Variants in STK39 observed in about 807,000 individuals in gnomAD.
STK39 encodes the protein serine/threonine kinase 39, also known as STE20/SPS1-related proline-alanine-rich protein kinase.
STK39 carries 20 observed loss-of-function variants against 77.8 expected under a neutral mutation model. The ratio of observed to expected loss-of-function variants is 0.26; its 90% CI spans 0.18 to 0.37. The LOEUF is 0.37. Among genes scored for constraint, STK39 ranks in the 10% least tolerant of loss-of-function variants. The pLI is 1.00. For missense variants in STK39, 479 were observed against 656.5 expected (o/e 0.73, Z 2.95); for synonymous variants, 246 against 234.1 (o/e 1.05, Z -0.47).
intron 2 of STK39, among the ~76,000 whole-genome samples, chr2:168,167,825 G>C (rs191071402): frequency 6.6e-6 from 1 of 152,296 alleles, no homozygotes; most frequent in East Asian, 1.9e-4. Flanking sequence ...GTGGATCTTA[G>C]CTCCTCCCTC....
intron 12 of STK39, among the ~76,000 whole-genome samples, chr2:168,074,002 G>T (rs1259256902): frequency 6.6e-6 from 1 of 152,120 alleles, no homozygotes; most frequent in Non-Finnish European, 1.5e-5. Context: ...GAGCTACCAT[G>T]GGGAGGCAGG....
intron 1 of STK39, among the ~76,000 whole-genome samples, chr2:168,238,112 C>G (rs567949203): frequency 5.9e-5 from 9 of 152,308 alleles, no homozygotes; most frequent in Non-Finnish European, 1.2e-4. Flanking sequence ...AGTACAAACT[C>G]TGGTTCAAAC....
At chr2:168,046,035 C>A (rs904388408) in intron 14 of STK39, among the ~76,000 whole-genome samples, 1 of 152,104 alleles carries the variant, frequency 6.6e-6, no homozygotes, top group African/African-American at 2.4e-5. Flanking sequence ...GCAGACATAT[C>A]GATCAACCCT....
chr2:167,984,384 T>C (rs1219596942), intron 16 of STK39, among the ~76,000 whole-genome samples: 1 of 152,136 alleles, frequency 6.6e-6, no homozygotes, highest in Non-Finnish European at 1.5e-5. Context: ...ACATCTTAAA[T>C]GAGGAATGGG....
intron 2 of STK39, among the ~76,000 whole-genome samples, chr2:168,168,994 A>T (rs1303089949): frequency 2.0e-5 from 3 of 152,198 alleles, no homozygotes; most frequent in Non-Finnish European, 4.4e-5. Context: ...AAAAAAAATT[A>T]AAAAATAATA....
intron 10 of STK39, among the ~76,000 whole-genome samples, chr2:168,087,765 A>T (rs1442250749): frequency 6.6e-6 from 1 of 152,256 alleles, no homozygotes; most frequent in Non-Finnish European, 1.5e-5. Context: ...ATTTATAAAC[A>T]AAAGGCAAAT....
intron 1 of STK39, among the ~76,000 whole-genome samples, chr2:168,239,143 T>C (rs1208042372): frequency 6.6e-6 from 1 of 152,222 alleles, no homozygotes; most frequent in Non-Finnish European, 1.5e-5. Flanking sequence ...ATTCTGCTCC[T>C]GTGTTTCACC....
rs527424204 is a variant in STK39, at chr2:168,218,401, C to T, written c.208+28827G>A. Reference sequence around the variant, plus strand: ...GATCTTTTCCGCTAAGCTGACTGGACAAAGTCCTATCATCAAAAATAGTGA... The same window carrying T: ...GATCTTTTCCGCTAAGCTGACTGGATAAAGTCCTATCATCAAAAATAGTGA... On this transcript the variant is annotated intron_variant, in intron 1 of 17. Coordinates refer to ENST00000355999, the MANE Select transcript of STK39 (RefSeq NM_013233.3). Among the ~76,000 whole-genome samples, 8 of 152,352 alleles carry T rather than the reference C, an allele frequency of 5.3e-5. No homozygotes were observed. In the East Asian group the frequency reaches 5.8e-4, roughly 11 times the overall value.
At chr2:168,239,126 T>C (rs917273928) in intron 1 of STK39, among the ~76,000 whole-genome samples, 16 of 152,344 alleles carry the variant, frequency 1.1e-4, no homozygotes, top group Admixed American at 9.1e-4. Flanking sequence ...AAGCCACTTG[T>C]TCTGCAATTC....
intron 10 of STK39, among the ~76,000 whole-genome samples, chr2:168,075,609 C>G (rs1447609997): frequency 6.6e-6 from 1 of 151,838 alleles, no homozygotes; most frequent in Non-Finnish European, 1.5e-5. Flanking sequence ...GAAGCGCATG[C>G]AAGCAACATC....
intron 1 of STK39, among the ~76,000 whole-genome samples, chr2:168,218,444 A>G (rs1574565615): frequency 6.6e-6 from 1 of 152,198 alleles, no homozygotes; most frequent in East Asian, 1.9e-4. Flanking sequence ...GCACAGCACC[A>G]TGCATACCAG....
chr2:168,114,982 C>T (rs1574476594), intron 10 of STK39, among the ~76,000 whole-genome samples: 2 of 152,208 alleles, frequency 1.3e-5, no homozygotes, highest in African/African-American at 4.8e-5. Flanking sequence ...ATACGTTTTA[C>T]TACCAATGGC....
intron 17 of STK39, among the ~76,000 whole-genome samples, chr2:167,958,626 G>GA (rs934087022): frequency 6.6e-5 from 10 of 151,082 alleles, no homozygotes; most frequent in Non-Finnish European, 1.3e-4. Flanking sequence ...TGAAGCACAT[G>GA]AAAAAAAAAT....
chr2:168,219,816 G>GT (rs1690117985), intron 1 of STK39, among the ~76,000 whole-genome samples: 1 of 150,686 alleles, frequency 6.6e-6, no homozygotes, highest in East Asian at 2.0e-4. Context: ...GCCCTGACAA[G>GT]TTACCTTGAT....
At chr2:168,001,689 A>G (rs1684005571) in intron 16 of STK39, among the ~76,000 whole-genome samples, 1 of 152,224 alleles carries the variant, frequency 6.6e-6, no homozygotes, top group African/African-American at 2.4e-5. Context: ...GAGCGGTATT[A>G]CCTGTTATAT....
In STK39 at chr2:168,094,623, C is replaced by T. The variant is rs971779691; in HGVS notation, c.1090-19392G>A. Among the ~76,000 whole-genome samples the T allele has an allele frequency of 5.3e-5, 8 of 152,182 alleles. 1 individual carries two copies. The South Asian group carries it at 1.5e-3, about 28-fold the overall frequency. On this transcript the variant is annotated intron_variant, in intron 10 of 17. Transcript: ENST00000355999. ...AGCATTCAGAACTGCTGACCACCTT[C>T]ACCTTCCTGGTTCCTGGGACAGCAC...
At chr2:168,238,776 T>C (rs1426339407) in intron 1 of STK39, among the ~76,000 whole-genome samples, 1 of 152,252 alleles carries the variant, frequency 6.6e-6, no homozygotes, top group African/African-American at 2.4e-5. Context: ...CTGAAATGAC[T>C]TTTTAATTAA....
intron 14 of STK39, among the ~76,000 whole-genome samples, chr2:168,030,016 G>A (rs149307981): frequency 0.036 from 5,442 of 152,182 alleles, 343 homozygotes; most frequent in African/African-American, 0.12. Flanking sequence ...CGAGGTGGGC[G>A]GATCACGAGG....
At chr2:168,242,546 CAAAA>C (rs1186813675) in intron 1 of STK39, among the ~76,000 whole-genome samples, 3 of 17,542 alleles carry the variant, frequency 1.7e-4, no homozygotes, top group African/African-American at 5.9e-4. Flanking sequence ...AAGACTCTTA[CAAAA>C]AAAAAAAAAA....
Sources: gnomAD v4.1 joint callset for allele counts (sites outside exome capture counted in the v4.1 genomes callset) on GRCh38, gnomAD v4.1.1 for gene constraint, MANE v1.5 for transcripts, NCBI Gene and HGNC (gene_info 2026-07-23, HGNC 2026-07-21) for gene names.